The following C9orf43 variants were observed in gnomAD, a reference collection of about 807,000 sequenced individuals.
The protein encoded by C9orf43 is chromosome 9 open reading frame 43.
Under a neutral mutation model 59.1 loss-of-function variants are expected in C9orf43, and 45 were observed. That is an observed-to-expected ratio of 0.76 (90% confidence interval 0.60 to 0.98). The LOEUF (loss-of-function observed/expected upper bound fraction) is 0.98. Ranked by LOEUF, C9orf43 falls within the 50% of genes least tolerant of loss-of-function variation. The pLI is 0.00. For synonymous variants in C9orf43, 203 were observed against 196.8 expected (o/e 1.03, Z -0.26); for missense variants, 533 against 554.9 (o/e 0.96, Z 0.40).
chr9:113,428,310 G>T lies in C9orf43; in HGVS notation c.1107+87G>T, dbSNP rs942808502. 8 of 1,236,910 alleles carry T rather than the reference G, an allele frequency of 6.5e-6. No homozygotes were observed. The African/African-American group carries it at 1.2e-4, about 18-fold the overall frequency. The allele number at this position is 1,236,910 out of a possible 1,614,324, so 76.6% of individuals were successfully genotyped here. On this transcript the variant is annotated intron_variant, in intron 12 of 13. Transcript: ENST00000374165. ...CCCCAAAGCTTAACCATAATGATTT[G>T]CTATTGCTAATGATTCTGTGGGTTG...
rs1207579116 is a variant in C9orf43, at chr9:113,425,424, G to A, written c.942+4G>A. 6.2e-7 allele frequency: 1 copy of A among 1,612,176 alleles called. No individual in the cohort carries two copies. The highest frequency in any genetic ancestry group is 8.5e-7 in the Non-Finnish European group (1 of 1,179,062). ...GAAAACACCTATTAAGAAACAGGTAGAGTGGCAGTGAGGGGCTTGCTGGGA... is the reference window on the plus strand; with the variant it reads ...GAAAACACCTATTAAGAAACAGGTAAAGTGGCAGTGAGGGGCTTGCTGGGA... On this transcript the variant is annotated splice_donor_region_variant and intron_variant, in intron 10 of 13. Coordinates refer to ENST00000374165, the MANE Select transcript of C9orf43 (RefSeq NM_001278629.2).
chr9:113,428,158 C>G lies in C9orf43; in HGVS notation c.1042C>G (p.Leu348Val). The change falls in exon 12 of 14, where the codon CTG becomes GTG. Residue 348 changes from leucine (L) to valine (V), a missense_variant. By Grantham distance (32) the Leu-to-Val change is conservative. Coordinates refer to ENST00000374165, the MANE Select transcript of C9orf43 (RefSeq NM_001278629.2). Reference sequence around the variant, plus strand: ...TCTTTGGTTACTAGGTTACAGAACTCTGCCAGGTCAGAACAGTGACATGAA... The same window carrying G: ...TCTTTGGTTACTAGGTTACAGAACTGTGCCAGGTCAGAACAGTGACATGAA... ...VHDRLYGYRT[L>V]PGQNSDMKQQ... The G allele has an allele frequency of 6.2e-6, 10 of 1,614,184 alleles. No homozygotes were observed. The highest frequency in any genetic ancestry group is 8.5e-6 in the Non-Finnish European group (10 of 1,180,030).
rs770309069 is a variant in C9orf43 at position 113,413,871 on chromosome 9, G to A, written c.264G>A (p.Lys88=). The A allele has an allele frequency of 9.9e-6, 16 of 1,610,158 alleles. No homozygotes were observed. In the Admixed American group the frequency reaches 1.9e-4, roughly 19 times the overall value. Reference sequence around the variant, plus strand: ...ATTCTTTATTGTCTCAGAGTTCAAAGTTTTACTCCAAATTTCATGGCAGGT... The same window carrying A: ...ATTCTTTATTGTCTCAGAGTTCAAAATTTTACTCCAAATTTCATGGCAGGT... ...KAHSLLSQSS[K]FYSKFHGRPP... is the part of the protein sequence containing the mutation. The change falls in exon 3 of 14, where the codon AAG becomes AAA. Residue 88 remains lysine, a synonymous_variant. Coordinates refer to ENST00000374165, the MANE Select transcript of C9orf43 (RefSeq NM_001278629.2).
At position 113,423,466 on chromosome 9, in the gene C9orf43, A is replaced by G. The variant is rs74597426; in HGVS notation, c.624A>G (p.Gln208=). ...CAGATTTCCTACCTCTCTGGGCTCA[A>G]TCCGAAGCGTTACCTCAGGATCTAC... ...FSSDFLPLWA[Q]SEALPQDLLK... The change falls in exon 7 of 14, where the codon CAA becomes CAG. Residue 208 remains glutamine, a synonymous_variant. Transcript: ENST00000374165. 3.3e-4 allele frequency: 539 copies of G among 1,613,992 alleles called. 2 individuals are homozygous for G. The African/African-American group carries it at 6.3e-3, about 19-fold the overall frequency.
At chr9:113,414,042 CAG>C (rs1828269522) in intron 3 of C9orf43, 148 bp downstream of exon 3, 1 of 848,202 alleles carries the variant, frequency 1.2e-6, no homozygotes, top group East Asian at 2.8e-5. Context: ...CAGTGGGAAA[CAG>C]AAAGAAACCC....
At chr9:113,414,002 A>G (rs538399898) in intron 3 of C9orf43, 108 bp downstream of exon 3, 1 of 1,243,406 alleles carries the variant, frequency 8.0e-7, no homozygotes, top group Non-Finnish European at 1.1e-6. Context: ...AAAAGAAAAT[A>G]CCAATTGGGT....
Position 113,425,745 on chromosome 9 carries a change from T to C in C9orf43, c.1030+15T>C. ...CCGTCTCTATGGTAAGGGGAATATA[T>C]GCTTGGTTGGGGGTGATAGGATCCC... is the stretch of plus-strand genomic sequence containing the variant. On this transcript the variant is annotated intron_variant, in intron 11 of 13. Transcript: ENST00000374165. The C allele has an allele frequency of 6.2e-7, 1 of 1,600,442 alleles. No homozygotes were observed. The highest frequency in any genetic ancestry group is 8.6e-7 in the Non-Finnish European group (1 of 1,167,574).
chr9:113,421,035 C>A, intron 4 of C9orf43, 68 bp from the exon 5 acceptor site: 1 of 1,243,830 alleles, frequency 8.0e-7, no homozygotes, highest in African/African-American at 1.5e-5. Flanking sequence ...CTTTGCTTAG[C>A]ATATCCTTAA....
At chr9:113,423,561 G>A (rs891758391) in intron 7 of C9orf43, 63 bp downstream of exon 7, 6 of 1,494,786 alleles carry the variant, frequency 4.0e-6, no homozygotes, top group Admixed American at 1.8e-5. Context: ...GCTGGGATGG[G>A]TCTAAACAGT....
rs1343563111 is a variant in C9orf43, at chr9:113,425,356, A to AGCAGCAGCG, written c.887_895dup (p.Arg296_Gln298dup). The AGCAGCAGCG allele has an allele frequency of 4.3e-6, 7 of 1,613,650 alleles. No individual in the cohort carries two copies. The highest frequency in any genetic ancestry group is 1.3e-5 in the African/African-American group (1 of 74,894). ...CTCTGGTCACCAGGTTACAGGAAAC[A>AGCAGCAGCG]GCAGCAGCGGCAGCAGCAGCAGCAG... On this transcript the variant is annotated inframe_insertion, in exon 10 of 14. Coordinates refer to ENST00000374165, the MANE Select transcript of C9orf43 (RefSeq NM_001278629.2).
chr9:113,411,625 T>G (rs1409767070), intron 1 of C9orf43, among the ~76,000 whole-genome samples: 1 of 152,218 alleles, frequency 6.6e-6, no homozygotes, highest in Non-Finnish European at 1.5e-5. Context: ...TGTTTTTAAG[T>G]TATTTTTATA....
At chr9:113,424,520 C>CTTTTT (rs567805386) in intron 8 of C9orf43, among the ~76,000 whole-genome samples, 3 of 139,640 alleles carry the variant, frequency 2.1e-5, no homozygotes, top group Non-Finnish European at 3.1e-5. Context: ...CTATTTCTTT[C>CTTTTT]TTTTTTTTTT....
rs928932367 is a variant in C9orf43, at chr9:113,428,508, G to A, written c.1107+285G>A. 4.6e-5 allele frequency among the ~76,000 whole-genome samples: 7 copies of A among 152,232 alleles called. No individual in the cohort carries two copies. In the East Asian group the frequency reaches 1.2e-3, roughly 25 times the overall value. ...CATGAAAGCAGTTTCTTAAGGGATG[G>A]GCCTGGAACTAAAACAGTGTTACTT... On this transcript the variant is annotated intron_variant, in intron 12 of 13. Transcript: ENST00000374165.
chr9:113,423,515 TC>T lies in C9orf43; in HGVS notation c.656+18del, dbSNP rs771561612. The stretch of plus-strand genomic sequence containing the variant: ...ACTGAAGGAGTAAGTATCATGTAGG[TC>T]TGTGGGAGAGCCAGAGCACCTGCTT... On this transcript the variant is annotated intron_variant, in intron 7 of 13. Transcript: ENST00000374165. The T allele has an allele frequency of 6.2e-7, 1 of 1,603,482 alleles. No individual in the cohort carries two copies. The highest frequency in any genetic ancestry group is 8.5e-7 in the Non-Finnish European group (1 of 1,171,126).
chr9:113,423,712 A>G (rs950412484), intron 7 of C9orf43, among the ~76,000 whole-genome samples: 1 of 152,218 alleles, frequency 6.6e-6, no homozygotes, highest in African/African-American at 2.4e-5. Flanking sequence ...TGTGCTAGGC[A>G]TATCACATGT....
At chr9:113,411,924 C>T (rs1441771321) in intron 1 of C9orf43, among the ~76,000 whole-genome samples, 1 of 152,198 alleles carries the variant, frequency 6.6e-6, no homozygotes, top group African/African-American at 2.4e-5. Flanking sequence ...GTGATTCTCC[C>T]TCGGCCTTGC....
chr9:113,427,662 A>G (rs1290609457), intron 11 of C9orf43, among the ~76,000 whole-genome samples: 12 of 152,242 alleles, frequency 7.9e-5, no homozygotes, highest in Admixed American at 6.5e-4. Flanking sequence ...ATAATTTAGC[A>G]TAATACCTCT....
chr9:113,415,212 C>T (rs1027879565), intron 3 of C9orf43, among the ~76,000 whole-genome samples: 5 of 151,828 alleles, frequency 3.3e-5, no homozygotes, highest in Non-Finnish European at 5.9e-5. Flanking sequence ...GTCGTGATCT[C>T]GGCTCACTGC....
At chr9:113,420,360 A>G (rs754524096) in intron 4 of C9orf43, among the ~76,000 whole-genome samples, 1 of 152,206 alleles carries the variant, frequency 6.6e-6, no homozygotes, top group East Asian at 1.9e-4. Flanking sequence ...ACCAAAGTGC[A>G]TGAGTTGTCA....
Sources: gnomAD v4.1 joint callset for allele counts (sites outside exome capture counted in the v4.1 genomes callset) on GRCh38, gnomAD v4.1.1 for gene constraint, MANE v1.5 for transcripts, NCBI Gene and HGNC (gene_info 2026-07-23, HGNC 2026-07-21) for gene names.